KCNN2: variants seen among roughly 807,000 people sequenced by gnomAD.
KCNN2 encodes the protein potassium calcium-activated channel subfamily N member 2.
A neutral mutation model predicts 55.5 loss-of-function variants in KCNN2; 24 were observed. That is an observed-to-expected ratio of 0.43 (90% CI 0.31 to 0.61). The LOEUF (loss-of-function observed/expected upper bound fraction) is 0.61, where lower values mean the gene tolerates loss of function less well. Among genes scored for constraint, KCNN2 ranks in the 20% least tolerant of loss-of-function variants. KCNN2 has a pLI of 0.08. For synonymous variants in KCNN2, 431 were observed against 336.1 expected (o/e 1.28, Z -3.09); for missense variants, 754 against 853.6 (o/e 0.88, Z 1.45).
At chr5:114,306,687 A>AT (rs377020234) in intron 2 of KCNN2, among the ~76,000 whole-genome samples, 1 of 7,284 alleles carries the variant, frequency 1.4e-4, no homozygotes, top group African/African-American at 2.1e-4. Context: ...TCACACTTAA[A>AT]TTTTTTTTTT....
chr5:114,356,344 T>C (rs1757293306), intron 2 of KCNN2, among the ~76,000 whole-genome samples: 1 of 152,186 alleles, frequency 6.6e-6, no homozygotes, highest in Non-Finnish European at 1.5e-5. Flanking sequence ...GAATGTGCTG[T>C]CTGCTAAGTT....
intron 2 of KCNN2, among the ~76,000 whole-genome samples, chr5:114,332,289 A>G (rs1035106024): frequency 1.2e-4 from 19 of 152,228 alleles, no homozygotes; most frequent in African/African-American, 3.6e-4. Context: ...GGATGTGCCA[A>G]TCCCCACACT....
intron 1 of KCNN2, among the ~76,000 whole-genome samples, chr5:114,186,303 C>T (rs1387154068): frequency 1.3e-5 from 2 of 152,046 alleles, no homozygotes; most frequent in South Asian, 2.1e-4. Context: ...ATTGTTGAAT[C>T]ATATTTGAAA....
At position 114,207,058 on chromosome 5, in the gene KCNN2, G is replaced by A. The variant is rs1340882382; in HGVS notation, c.-270-14422G>A. 3.9e-5 allele frequency among the ~76,000 whole-genome samples: 6 copies of A among 152,244 alleles called. No homozygotes were observed. The East Asian group carries it at 1.2e-3, about 29-fold the overall frequency. ...TTTTTATAGACTCTTTATTCAACATGTATGTAGTGTGCATCTACAGTGGAT... is the reference window on the plus strand; with the variant it reads ...TTTTTATAGACTCTTTATTCAACATATATGTAGTGTGCATCTACAGTGGAT... On this transcript the variant is annotated intron_variant, in intron 1 of 10. Transcript: ENST00000512097.
chr5:114,295,213 G>A (rs7718737), intron 2 of KCNN2, among the ~76,000 whole-genome samples: 39,849 of 152,062 alleles, frequency 0.26, 5,669 homozygotes, highest in African/African-American at 0.38. Flanking sequence ...TGGGAGAACC[G>A]CTACTCTCTT....
upstream of KCNN2, among the ~76,000 whole-genome samples, chr5:114,357,840 G>A (rs1432973046): frequency 6.6e-6 from 1 of 151,894 alleles, no homozygotes; most frequent in Non-Finnish European, 1.5e-5. Flanking sequence ...GGGTCAAATG[G>A]TGTTTCCAGT....
At chr5:114,383,464 C>CTTTTTTT (rs66787954) in intron 2 of KCNN2, among the ~76,000 whole-genome samples, 2 of 102,696 alleles carry the variant, frequency 1.9e-5, no homozygotes, top group Non-Finnish European at 1.8e-5. Flanking sequence ...CCACTAAATG[C>CTTTTTTT]TTTTTTTTTT....
intron 2 of KCNN2, among the ~76,000 whole-genome samples, chr5:114,401,946 A>C (rs561139072): frequency 1.3e-5 from 2 of 152,332 alleles, no homozygotes; most frequent in Admixed American, 1.3e-4. Flanking sequence ...ATCTTGAATT[A>C]AATTTTAAAA....
intron 3 of KCNN2, among the ~76,000 whole-genome samples, chr5:114,436,540 C>A (rs1032659370): frequency 6.6e-6 from 1 of 152,110 alleles, no homozygotes; most frequent in Non-Finnish European, 1.5e-5. Context: ...TGACTTTGGC[C>A]TTGCTATTTA....
chr5:114,134,661 G>A (rs2954368), intron 1 of KCNN2, among the ~76,000 whole-genome samples: 22,166 of 151,770 alleles, frequency 0.15, 1,921 homozygotes, highest in East Asian at 0.29. Context: ...ATTTTTGGTA[G>A]AGACGGAGTT....
At chr5:114,142,434 T>C (rs145356670) in intron 1 of KCNN2, among the ~76,000 whole-genome samples, 4,755 of 152,272 alleles carry the variant, frequency 0.031, 264 homozygotes, top group African/African-American at 0.11. Flanking sequence ...AAATTGTCCC[T>C]GTTTGCAGAT....
chr5:114,287,395 A>G (rs550078451), intron 2 of KCNN2, among the ~76,000 whole-genome samples: 12 of 152,324 alleles, frequency 7.9e-5, no homozygotes, highest in African/African-American at 2.4e-4. Context: ...TGGCACATAT[A>G]CACCAAGGAA....
At chr5:114,394,527 T>C (rs1164148315) in intron 2 of KCNN2, among the ~76,000 whole-genome samples, 1 of 152,212 alleles carries the variant, frequency 6.6e-6, no homozygotes, top group Non-Finnish European at 1.5e-5. Flanking sequence ...TAAGATGCAG[T>C]ATTTTATCTT....
At chr5:114,306,698 T>C (rs1756281410) in intron 2 of KCNN2, among the ~76,000 whole-genome samples, 1 of 116,246 alleles carries the variant, frequency 8.6e-6, no homozygotes, top group Non-Finnish European at 1.8e-5. Flanking sequence ...TTTTTTTTTT[T>C]TCTTTTTTTT....
chr5:114,272,357 C>CATACACACACATATATGTATGTA, intron 2 of KCNN2, among the ~76,000 whole-genome samples: 1 of 29,454 alleles, frequency 3.4e-5, no homozygotes, highest in East Asian at 2.3e-3. Context: ...TATGTACATA[C>CATACACACACATATATGTATGTA]CATATACACA....
In KCNN2 at chr5:114,362,688, GCACCAC is replaced by G. The variant is rs902486279; in HGVS notation, c.560_565del (p.His187_His188del). 6.3e-5 allele frequency: 91 copies of G among 1,453,424 alleles called. No individual in the cohort carries two copies. The highest frequency in any genetic ancestry group is 7.5e-5 in the Non-Finnish European group (83 of 1,109,694). 90.0% of individuals were successfully genotyped at this position (1,453,424 alleles called of 1,614,324 possible). A position where few individuals can be genotyped will look rare whatever the true frequency, so the allele number is the denominator to read the frequency against. On this transcript the variant is annotated inframe_deletion, in exon 1 of 8. Transcript: ENST00000673685. ...GTCTGGGCTCCGGGCCCCCGCTCTC[GCACCAC>G]CACCACCACCCGCACCCGGCGCACC... is the stretch of plus-strand genomic sequence containing the variant.
intron 1 of KCNN2, among the ~76,000 whole-genome samples, chr5:114,154,726 T>C (rs1752595615): frequency 6.6e-6 from 1 of 152,134 alleles, no homozygotes; most frequent in Non-Finnish European, 1.5e-5. Context: ...CCATCTCTAC[T>C]CTCTGGCCCT....
intron 3 of KCNN2, among the ~76,000 whole-genome samples, chr5:114,420,593 A>G (rs1214956119): frequency 9.9e-5 from 15 of 152,220 alleles, no homozygotes; most frequent in Non-Finnish European, 1.5e-4. Flanking sequence ...AAGCAATACT[A>G]CCTTTTCCAT....
intron 3 of KCNN2, among the ~76,000 whole-genome samples, chr5:114,446,045 G>A (rs886989974): frequency 1.3e-5 from 2 of 152,292 alleles, no homozygotes; most frequent in African/African-American, 2.4e-5. Flanking sequence ...CTGGATAGAC[G>A]TTACTGGCCT....
Sources: gnomAD v4.1 joint callset for allele counts (sites outside exome capture counted in the v4.1 genomes callset) on GRCh38, gnomAD v4.1.1 for gene constraint, MANE v1.5 for transcripts, NCBI Gene and HGNC (gene_info 2026-07-23, HGNC 2026-07-21) for gene names.